The following ATP2B2 variants were observed in gnomAD, a reference collection of about 807,000 sequenced individuals.
ATP2B2 encodes plasma membrane calcium-transporting ATPase 2.
A neutral mutation model predicts 120.0 loss-of-function variants in ATP2B2; 15 were observed. The observed-to-expected ratio is 0.12, with a 90% CI of 0.08 to 0.19. ATP2B2 has a LOEUF of 0.19. Ranked by LOEUF, ATP2B2 falls within the 10% of genes least tolerant of loss-of-function variation. ATP2B2 has a pLI of 1.00. For missense variants in ATP2B2, 1,045 were observed against 1,719.8 expected (o/e 0.61, Z 6.94); for synonymous variants, 694 against 700.3 (o/e 0.99, Z 0.14).
chr3:10,550,316 T>C (rs544135283), intron 2 of ATP2B2, among the ~76,000 whole-genome samples: 42 of 152,334 alleles, frequency 2.8e-4, no homozygotes, highest in South Asian at 8.3e-4. Flanking sequence ...CAGGACCATA[T>C]TGGAATGTAG....
At chr3:10,696,395 T>A (rs1262871833) in intron 1 of ATP2B2, among the ~76,000 whole-genome samples, 2 of 152,108 alleles carry the variant, frequency 1.3e-5, no homozygotes, top group East Asian at 1.9e-4. Context: ...TGCGATTGAT[T>A]CCTCTCTCTC....
At chr3:10,349,063 T>C (rs1288841237) in intron 16 of ATP2B2, among the ~76,000 whole-genome samples, 4 of 152,196 alleles carry the variant, frequency 2.6e-5, no homozygotes, top group Non-Finnish European at 5.9e-5. Flanking sequence ...CCTGCTCCCA[T>C]AGCCATTTTA....
At chr3:10,643,329 G>A (rs929979497) in intron 1 of ATP2B2, among the ~76,000 whole-genome samples, 4 of 152,204 alleles carry the variant, frequency 2.6e-5, no homozygotes, top group Admixed American at 6.5e-5. Flanking sequence ...TTTGATAAAC[G>A]TGGAATGCTG....
At chr3:10,595,161 A>T (rs1395854083) in intron 2 of ATP2B2, among the ~76,000 whole-genome samples, 4 of 152,204 alleles carry the variant, frequency 2.6e-5, no homozygotes. Context: ...CCCACACTGG[A>T]CAGATCCCTC....
intron 1 of ATP2B2, among the ~76,000 whole-genome samples, chr3:10,482,763 C>T (rs1326987323): frequency 6.6e-6 from 1 of 152,220 alleles, no homozygotes; most frequent in Non-Finnish European, 1.5e-5. Flanking sequence ...TGCTCACCCA[C>T]AGGAGCCTAA....
intron 2 of ATP2B2, among the ~76,000 whole-genome samples, chr3:10,557,619 C>T (rs191560088): frequency 6.6e-6 from 1 of 152,328 alleles, no homozygotes; most frequent in Admixed American, 6.5e-5. Context: ...TAGGCAGGGA[C>T]TGCAGGGCAC....
At chr3:10,473,809 A>G (rs902043562) in intron 1 of ATP2B2, among the ~76,000 whole-genome samples, 1 of 152,238 alleles carries the variant, frequency 6.6e-6, no homozygotes, top group Non-Finnish European at 1.5e-5. Flanking sequence ...AAAGAAGGCC[A>G]CGTGGCTGGG....
chr3:10,455,552 T>C (rs2064223034), intron 1 of ATP2B2, among the ~76,000 whole-genome samples: 2 of 152,238 alleles, frequency 1.3e-5, no homozygotes, highest in Non-Finnish European at 1.5e-5. Flanking sequence ...AATGAAACAC[T>C]GGCTTCCTTG....
At chr3:10,434,937 G>C (rs772958288) in intron 2 of ATP2B2, among the ~76,000 whole-genome samples, 1 of 152,232 alleles carries the variant, frequency 6.6e-6, no homozygotes. Flanking sequence ...CTGAGCCCCA[G>C]TGTGGTTTGG....
At chr3:10,388,212 A>G in intron 6 of ATP2B2, 65 bp downstream of exon 6, 12 of 1,610,988 alleles carry the variant, frequency 7.4e-6, no homozygotes, top group Non-Finnish European at 9.3e-6. Flanking sequence ...TGAGTGAACA[A>G]ATAAACAAAA....
chr3:10,340,136 T>G lies in ATP2B2; in HGVS notation c.3237+106A>C, dbSNP rs898213274. 28 of 1,061,004 alleles carry G rather than the reference T, an allele frequency of 2.6e-5. No homozygotes were observed. The highest frequency in any genetic ancestry group is 5.5e-5 in the Admixed American group (3 of 54,066). 65.7% of individuals were successfully genotyped at this position (1,061,004 alleles called of 1,614,324 possible). A position where few individuals can be genotyped will look rare whatever the true frequency, so the allele number is the denominator to read the frequency against. On this transcript the variant is annotated intron_variant, in intron 21 of 22. Coordinates refer to ENST00000360273, the MANE Select transcript of ATP2B2 (RefSeq NM_001001331.4). The surrounding 1 kb of genome is among the most constrained non-coding windows in gnomAD (Gnocchi z 5.0). Reference sequence around the variant, plus strand: ...CAGATGTCCAGAGATAGGGAGGAGCTTGCCTGGGGTCTGGCAGCCCATTCC... The same window carrying G: ...CAGATGTCCAGAGATAGGGAGGAGCGTGCCTGGGGTCTGGCAGCCCATTCC...
Position 10,360,020 on chromosome 3 carries a change from C to T in ATP2B2, c.1763G>A (p.Arg588His), listed in dbSNP as rs774748492. 3.7e-6 allele frequency: 6 copies of T among 1,614,182 alleles called. No individual in the cohort carries two copies. Among genetic ancestry groups the T allele is most frequent in the African/African-American group, 1.3e-5 (1 of 75,068 alleles). ...CAACTTCTCCTCTGGCATCTGGCTG[C>T]GCACGGGCTCGTAGTCCTGCTTCAG... ...LDLKQDYEPVRSQMPEEKLYK... is the reference protein window; with the variant it reads ...LDLKQDYEPVHSQMPEEKLYK... Residue 588 changes from arginine to histidine, a missense_variant, in exon 13 of 23, where the codon CGC (arginine) becomes CAC (histidine). Around this residue, in one of 11 missense-constraint regions of ATP2B2, gnomAD observed 343 missense variants for 536.8 expected, o/e 0.64. Coordinates refer to ENST00000360273, the MANE Select transcript of ATP2B2 (RefSeq NM_001001331.4).
intron 1 of ATP2B2, among the ~76,000 whole-genome samples, chr3:10,488,511 C>CTTCA (rs1289173628): frequency 2.6e-5 from 2 of 75,802 alleles, no homozygotes; most frequent in Admixed American, 2.7e-4. Context: ...TCCTTCGTTC[C>CTTCA]TTCCTTCCTT....
chr3:10,423,748 T>C (rs1334748338), intron 2 of ATP2B2, among the ~76,000 whole-genome samples: 1 of 152,198 alleles, frequency 6.6e-6, no homozygotes, highest in South Asian at 2.1e-4. Flanking sequence ...AGGCAGTGGA[T>C]GCAGAGTTCC....
At chr3:10,380,671 AC>A (rs1283350051) in intron 8 of ATP2B2, among the ~76,000 whole-genome samples, 2 of 152,044 alleles carry the variant, frequency 1.3e-5, no homozygotes, top group Middle Eastern at 6.4e-3. Flanking sequence ...GACCATGGAC[AC>A]CCCTCAGCCC....
At chr3:10,561,236 C>G (rs546978678) in intron 2 of ATP2B2, among the ~76,000 whole-genome samples, 1 of 152,332 alleles carries the variant, frequency 6.6e-6, no homozygotes, top group East Asian at 1.9e-4. Context: ...CCTAACACTG[C>G]ACCTGGTATA....
At position 10,358,499 on chromosome 3, in the gene ATP2B2, C is replaced by T. The variant is rs192756940; in HGVS notation, c.2136+192G>A. 3.2e-4 allele frequency among the ~76,000 whole-genome samples: 49 copies of T among 152,302 alleles called. 1 individual carries two copies. Among genetic ancestry groups the T allele is most frequent in the Admixed American group, 2.9e-3 (44 of 15,308 alleles). On this transcript the variant is annotated intron_variant, in intron 14 of 22. Coordinates refer to ENST00000360273, the MANE Select transcript of ATP2B2 (RefSeq NM_001001331.4). Reference sequence around the variant, plus strand: ...CTGTGGGTTCTGTGTCCTTCTGGGCCGACCCATGCCACATGTGGTCTACAC... The same window carrying T: ...CTGTGGGTTCTGTGTCCTTCTGGGCTGACCCATGCCACATGTGGTCTACAC...
At chr3:10,705,798 C>A (rs1449540065) in intron 1 of ATP2B2, among the ~76,000 whole-genome samples, 1 of 152,214 alleles carries the variant, frequency 6.6e-6, no homozygotes, top group Non-Finnish European at 1.5e-5. Context: ...TATATAAACT[C>A]CACAAGGTTG....
intron 3 of ATP2B2, among the ~76,000 whole-genome samples, chr3:10,511,032 T>C (rs2066750577): frequency 6.6e-6 from 1 of 152,176 alleles, no homozygotes; most frequent in African/African-American, 2.4e-5. Context: ...CTGTGGCTCA[T>C]GAGGCCCAAA....
Sources: allele counts gnomAD v4.1 joint callset (sites outside exome capture counted in the v4.1 genomes callset), GRCh38; gene constraint gnomAD v4.1.1; regional missense constraint gnomAD v4.1.1; non-coding constraint Gnocchi (gnomAD v3.1); transcripts MANE v1.5; gene names NCBI Gene and HGNC (gene_info 2026-07-23, HGNC 2026-07-21).